SZT2: variants seen among roughly 807,000 people sequenced by gnomAD.
SZT2 encodes the protein SZT2 subunit of KICSTOR complex.
A neutral mutation model predicts 404.2 loss-of-function variants in SZT2; 216 were observed. That is an observed-to-expected ratio of 0.53 (90% confidence interval 0.48 to 0.60). The LOEUF (loss-of-function observed/expected upper bound fraction) is 0.60. Ranked by LOEUF, SZT2 falls within the 20% of genes least tolerant of loss-of-function variation. The pLI, the probability that SZT2 is intolerant of heterozygous loss-of-function variation, is 0.00. For synonymous variants in SZT2, 1,693 were observed against 1,749.9 expected (o/e 0.97, Z 0.81); for missense variants, 3,857 against 4,459.2 (o/e 0.86, Z 3.85).
In SZT2 at chr1:43,453,033, G is replaced by T; in HGVS notation, c.*2553G>T. The T allele has an allele frequency of 7.3e-7, 1 of 1,363,864 alleles. No individual in the cohort carries two copies. The highest frequency in any genetic ancestry group is 1.0e-6 in the Non-Finnish European group (1 of 963,956). The allele number at this position is 1,363,864 out of a possible 1,614,324, so 84.5% of individuals were successfully genotyped here. On this transcript the variant is annotated 3_prime_UTR_variant, in exon 72 of 72. Coordinates refer to ENST00000634258, the MANE Select transcript of SZT2 (RefSeq NM_001365999.1). ...GAAGACAGTCCAAGCATCACTACCT[G>T]TAAGCAGCTTTCTCTGATCCAGACA...
Position 43,428,422 on chromosome 1 carries a change from T to A in SZT2, c.4102T>A (p.Phe1368Ile). ...TCCTGGTCCTCTCAGCCCTGGGCCC[T>A]TCAGCAGCAGCATGGAGGAGGGTGC... ...PSPGPLSPGP[F>I]SSSMEEGAEP... is the part of the protein sequence containing the mutation. Residue 1368 changes from phenylalanine to isoleucine, a missense_variant, in exon 28 of 72, where the codon TTC becomes ATC. By Grantham distance (21) the Phe-to-Ile change is conservative (BLOSUM62 0). This residue lies in a region of SZT2 where 1,725 missense variants were observed against 1,881.0 expected (regional missense o/e 0.92). Coordinates refer to ENST00000634258, the MANE Select transcript of SZT2 (RefSeq NM_001365999.1). The A allele has an allele frequency of 1.9e-6, 3 of 1,614,156 alleles. No individual in the cohort carries two copies. Among genetic ancestry groups the A allele is most frequent in the Non-Finnish European group, 2.5e-6 (3 of 1,180,020 alleles).
Position 43,441,722 on chromosome 1 carries a change from T to C in SZT2, c.7646T>C (p.Val2549Ala). 1 of 1,614,180 alleles carries C rather than the reference T, an allele frequency of 6.2e-7. No individual in the cohort carries two copies. The highest frequency in any genetic ancestry group is 8.5e-7 in the Non-Finnish European group (1 of 1,180,024). The change falls in exon 55 of 72, where the codon GTG becomes GCG. Residue 2549 changes from valine to alanine, a missense_variant. Coordinates refer to ENST00000634258, the MANE Select transcript of SZT2 (RefSeq NM_001365999.1). This position sits in a 1 kb window ranked among gnomAD's most constrained non-coding sequence, Gnocchi z 4.8. ...GTGTCCAGAAGCTCTGCCCACATGG[T>C]GTCCCGGTTCCTCCTTCCATCCATC... ...ASVSRSSAHMVSRFLLPSILS... is the reference protein window; with the variant it reads ...ASVSRSSAHMASRFLLPSILS...
chr1:43,453,137 C>G lies in SZT2; in HGVS notation c.*2657C>G. 1.4e-6 allele frequency: 1 copy of G among 691,148 alleles called. No homozygotes were observed. The highest frequency in any genetic ancestry group is 2.4e-4 in the Middle Eastern group (1 of 4,160). The allele number at this position is 691,148 out of a possible 1,614,324, so 42.8% of individuals were successfully genotyped here. A position where few individuals can be genotyped will look rare whatever the true frequency, so the allele number is the denominator to read the frequency against. On this transcript the variant is annotated 3_prime_UTR_variant, in exon 72 of 72. Coordinates refer to ENST00000634258, the MANE Select transcript of SZT2 (RefSeq NM_001365999.1). ...ATGCATCACTGTATATATTTACTCTCCTATCTGCCTAGGCAGACTGAGCTC... is the reference window on the plus strand; with the variant it reads ...ATGCATCACTGTATATATTTACTCTGCTATCTGCCTAGGCAGACTGAGCTC...
intron 5 of SZT2, among the ~76,000 whole-genome samples, chr1:43,415,718 C>G (rs551866769): frequency 7.9e-5 from 12 of 152,314 alleles, no homozygotes; most frequent in African/African-American, 2.9e-4. Context: ...TGGAGAAGCC[C>G]TACTTCAGTA....
intron 4 of SZT2, among the ~76,000 whole-genome samples, chr1:43,411,413 T>C (rs1651029937): frequency 6.6e-6 from 1 of 152,214 alleles, no homozygotes; most frequent in African/African-American, 2.4e-5. Context: ...TACTTCTCCA[T>C]GGTTCATGCA....
At position 43,428,297 on chromosome 1, in the gene SZT2, C is replaced by T. The variant is rs747241860; in HGVS notation, c.3977C>T (p.Ala1326Val). ...GTGACCTCCCAGGATTTGCTGACAG[C>T]GGTAGATGCCTGTGAGGAGCTACTA... ...QSVTSQDLLT[A>V]VDACEELLQE... The change falls in exon 28 of 72, where the codon GCG becomes GTG. Residue 1326 changes from alanine (A) to valine (V), a missense_variant. Around this residue, in one of 7 missense-constraint regions of SZT2, gnomAD observed 1,725 missense variants for 1,881.0 expected, o/e 0.92. Transcript: ENST00000634258. 56 of 1,614,032 alleles carry T rather than the reference C, an allele frequency of 3.5e-5. No homozygotes were observed. The highest frequency in any genetic ancestry group is 3.8e-5 in the Non-Finnish European group (45 of 1,180,024).
intron 67 of SZT2, 34 bp from the exon 68 acceptor site, chr1:43,447,815 C>T: frequency 6.2e-7 from 1 of 1,613,424 alleles, no homozygotes; most frequent in Non-Finnish European, 8.5e-7. Context: ...ATTAGAACCC[C>T]AGAGTTGACA....
At chr1:43,395,841 C>T (rs1648930333) in intron 1 of SZT2, among the ~76,000 whole-genome samples, 1 of 152,182 alleles carries the variant, frequency 6.6e-6, no homozygotes, top group Non-Finnish European at 1.5e-5. Context: ...CTTACCTTGC[C>T]TTTGTTCTTT....
chr1:43,393,187 A>C (rs567991862), intron 1 of SZT2, among the ~76,000 whole-genome samples: 1 of 152,350 alleles, frequency 6.6e-6, no homozygotes, highest in African/African-American at 2.4e-5. Flanking sequence ...AGAGCATTGC[A>C]GGCAAAGGGA....
In SZT2 at chr1:43,453,418, G is replaced by A. The variant is rs1359759184; in HGVS notation, c.*2938G>A. 2.6e-6 allele frequency: 4 copies of A among 1,559,448 alleles called. No individual in the cohort carries two copies. The highest frequency in any genetic ancestry group is 1.7e-6 in the Non-Finnish European group (2 of 1,150,942). ...AGCCCAGGGCTTTGGCATACCGCACGGCCTGCTCCAGTCCCTCTCGGAAGG... is the reference window on the plus strand; with the variant it reads ...AGCCCAGGGCTTTGGCATACCGCACAGCCTGCTCCAGTCCCTCTCGGAAGG... On this transcript the variant is annotated 3_prime_UTR_variant, in exon 72 of 72. Coordinates refer to ENST00000634258, the MANE Select transcript of SZT2 (RefSeq NM_001365999.1).
Position 43,442,727 on chromosome 1 carries a change from G to C in SZT2, c.8152-92G>C, listed in dbSNP as rs1655202380. ...GGGACAGACTGAGGGCAGAGGTAGTGGGGAGGGAGAGTCTGAGAGAGGAAG... is the reference window on the plus strand; with the variant it reads ...GGGACAGACTGAGGGCAGAGGTAGTCGGGAGGGAGAGTCTGAGAGAGGAAG... On this transcript the variant is annotated intron_variant, in intron 58 of 71. Coordinates refer to ENST00000634258, the MANE Select transcript of SZT2 (RefSeq NM_001365999.1). The surrounding 1 kb of genome is among the most constrained non-coding windows in gnomAD (Gnocchi z 4.5). 1 of 1,535,212 alleles carries C rather than the reference G, an allele frequency of 6.5e-7. No homozygotes were observed. The highest frequency in any genetic ancestry group is 8.7e-7 in the Non-Finnish European group (1 of 1,143,464).
In SZT2 at chr1:43,414,933, GA is replaced by G. The variant is rs1036915913; in HGVS notation, c.499-146del. 28 of 942,824 alleles carry G rather than the reference GA, an allele frequency of 3.0e-5. No homozygotes were observed. The African/African-American group carries it at 4.3e-4, about 15-fold the overall frequency. 58.4% of individuals were successfully genotyped at this position (942,824 alleles called of 1,614,324 possible). A position where few individuals can be genotyped will look rare whatever the true frequency, so the allele number is the denominator to read the frequency against. On this transcript the variant is annotated intron_variant, in intron 4 of 71. Transcript: ENST00000634258. Reference sequence around the variant, plus strand: ...GGACTGATGGAGATTGGATAAGGGGGAAATTGGCTGTGGAGTCATACCTTAG... The same window carrying G: ...GGACTGATGGAGATTGGATAAGGGGGAATTGGCTGTGGAGTCATACCTTAG...
At chr1:43,444,826 G>T (rs183416326) in intron 62 of SZT2, among the ~76,000 whole-genome samples, 1 of 152,024 alleles carries the variant, frequency 6.6e-6, no homozygotes, top group Non-Finnish European at 1.5e-5. Context: ...AGCTACTTTC[G>T]TGTCTCCAGA....
In SZT2 at chr1:43,442,051, C is replaced by CT; in HGVS notation, c.7795dup (p.Ser2599PhefsTer7). 1 of 1,614,122 alleles carries CT rather than the reference C, an allele frequency of 6.2e-7. No individual in the cohort carries two copies. On this transcript the variant is annotated frameshift_variant, in exon 56 of 72. Transcript: ENST00000634258. LOFTEE classifies it high-confidence loss of function. This position sits in a 1 kb window ranked among gnomAD's most constrained non-coding sequence, Gnocchi z 4.5. ...CTTGTTCCCCTGGGCAACTGGGCCC[C>CT]TCTCCCCGCCCTGCAGCTGAGCGGC...
In SZT2 at chr1:43,442,082, C is replaced by A. The variant is rs1402107063; in HGVS notation, c.7825C>A (p.Leu2609Met). Residue 2609 changes from leucine to methionine, a missense_variant, in exon 56 of 72, where the codon CTG (leucine) becomes ATG (methionine). By Grantham distance (15) the Leu-to-Met change is conservative. Transcript: ENST00000634258. The surrounding 1 kb of genome is among the most constrained non-coding windows in gnomAD (Gnocchi z 4.5). Reference sequence around the variant, plus strand: ...CCGCCCTGCAGCTGAGCGGCATCTGCTGCTTCTGGGAAGGAACTTCTTGCA... The same window carrying A: ...CCGCCCTGCAGCTGAGCGGCATCTGATGCTTCTGGGAAGGAACTTCTTGCA... ...SPRPAAERHLLLLGRNFLQWR... is the reference protein window; with the variant it reads ...SPRPAAERHLMLLGRNFLQWR... 6.2e-7 allele frequency: 1 copy of A among 1,614,026 alleles called. No homozygotes were observed. Among genetic ancestry groups the A allele is most frequent in the Non-Finnish European group, 8.5e-7 (1 of 1,180,018 alleles).
rs1300357510 is a variant in SZT2 at position 43,416,509 on chromosome 1, G to A, written c.773-26G>A. On this transcript the variant is annotated intron_variant, in intron 6 of 71. Coordinates refer to ENST00000634258, the MANE Select transcript of SZT2 (RefSeq NM_001365999.1). ...AGTTTGGTCTGGCCAGTGTCTCCAG[G>A]TCTGATCTGGTGTTTCCTGCTCCAG... 5 of 1,588,606 alleles carry A rather than the reference G, an allele frequency of 3.1e-6. No individual in the cohort carries two copies. The Admixed American group carries it at 8.4e-5, about 27-fold the overall frequency.
intron 6 of SZT2, 124 bp downstream of exon 6, chr1:43,416,225 G>C: frequency 7.7e-7 from 1 of 1,304,368 alleles, no homozygotes; most frequent in Non-Finnish European, 1.0e-6. Context: ...CTGTTTCCTT[G>C]TTTGCAAAAT....
In SZT2 at chr1:43,433,052, C is replaced by A. The variant is rs772792017; in HGVS notation, c.5666C>A (p.Ala1889Asp). 1.3e-5 allele frequency: 21 copies of A among 1,614,100 alleles called. No individual in the cohort carries two copies. Among genetic ancestry groups the A allele is most frequent in the Non-Finnish European group, 1.7e-5 (20 of 1,180,012 alleles). ...CCCAATGACACCCTTGGTGAGAAGG[C>A]CCCCTTCACATTGCGGACTCCACCT... is the stretch of plus-strand genomic sequence containing the variant. ...EGPNDTLGEK[A>D]PFTLRTPPGP... The change falls in exon 40 of 72, where the codon GCC (alanine) becomes GAC (aspartate). Residue 1889 changes from alanine to aspartate, a missense_variant. Ala to Asp is a moderately radical substitution (Grantham distance 126, BLOSUM62 -2). Transcript: ENST00000634258.
At chr1:43,423,556 G>T in intron 15 of SZT2, among the ~76,000 whole-genome samples, 1 of 144,294 alleles carries the variant, frequency 6.9e-6, no homozygotes, top group South Asian at 2.2e-4. Flanking sequence ...TGGGGTATGA[G>T]TGGTACAGAG....
Sources: gnomAD v4.1 joint callset for allele counts (sites outside exome capture counted in the v4.1 genomes callset) on GRCh38, gnomAD v4.1.1 for gene constraint, gnomAD v4.1.1 regional missense constraint, Gnocchi (gnomAD v3.1) non-coding constraint, MANE v1.5 for transcripts, NCBI Gene and HGNC (gene_info 2026-07-23, HGNC 2026-07-21) for gene names.